The following BACE2 variants were observed in gnomAD, a reference collection of about 807,000 sequenced individuals.
BACE2 encodes beta-secretase 2, also known as 56 kDa aspartic-like protease.
Under a neutral mutation model 46.2 loss-of-function variants are expected in BACE2, and 17 were observed. That is an observed-to-expected ratio of 0.37 (90% CI 0.25 to 0.55). The LOEUF (loss-of-function observed/expected upper bound fraction) is 0.55. Ranked by LOEUF, BACE2 falls within the 20% of genes least tolerant of loss-of-function variation. BACE2 has a pLI of 0.82. For missense variants in BACE2, 595 were observed against 698.1 expected, an observed-to-expected ratio of 0.85 and a Z score of 1.66; for synonymous variants, 277 against 295.9, an observed-to-expected ratio of 0.94 and a Z score of 0.66.
intron 1 of BACE2, chr21:41,177,037 TAC>T (rs1050285714): frequency 1.3e-5 from 2 of 152,252 alleles, no homozygotes; most frequent in African/African-American, 4.8e-5. Context: ...TAGAAGTTGT[TAC>T]AAATGGTTCC....
chr21:41,226,141 CT>C (rs57826923), intron 1 of BACE2, 124 bp from the exon 2 acceptor site: 89,613 of 698,940 alleles, frequency 0.13, 6,119 homozygotes, highest in African/African-American at 0.21. Flanking sequence ...CGTCAGTATA[CT>C]TTTTTTTTGT....
chr21:41,197,389 C>A (rs1406088489), intron 1 of BACE2, among the ~76,000 whole-genome samples: 1 of 151,290 alleles, frequency 6.6e-6, no homozygotes, highest in Non-Finnish European at 1.5e-5. Context: ...AAGTGACTGG[C>A]AGTGGTATGG....
At chr21:41,267,377 AC>A (rs780056391) in intron 8 of BACE2, among the ~76,000 whole-genome samples, 2 of 152,218 alleles carry the variant, frequency 1.3e-5, no homozygotes, top group African/African-American at 2.4e-5. Flanking sequence ...TCCTACGGCT[AC>A]GAAAATAATA....
chr21:41,188,744 A>G (rs1985464845), intron 1 of BACE2, among the ~76,000 whole-genome samples: 1 of 152,242 alleles, frequency 6.6e-6, no homozygotes. Flanking sequence ...CCTTCCAGGA[A>G]CTGGGGTCAA....
chr21:41,254,367 C>G (rs987779749), intron 7 of BACE2, among the ~76,000 whole-genome samples: 1 of 152,108 alleles, frequency 6.6e-6, no homozygotes, highest in Non-Finnish European at 1.5e-5. Context: ...CTTTTCTGCT[C>G]CCTCCAAAAT....
In BACE2 at chr21:41,279,609, A is replaced by C. The variant is rs1374777618; in HGVS notation, c.*3985A>C. 1 of 152,228 alleles carries C rather than the reference A, an allele frequency of 6.6e-6. No homozygotes were observed. The highest frequency in any genetic ancestry group is 1.5e-5 in the Non-Finnish European group (1 of 68,062). 9.4% of individuals were successfully genotyped at this position (152,228 alleles called of 1,614,324 possible). A position where few individuals can be genotyped will look rare whatever the true frequency, so the allele number is the denominator to read the frequency against. On this transcript the variant is annotated 3_prime_UTR_variant, in exon 9 of 9. Transcript: ENST00000330333. ...AAGACTCCGTCTCAAAAAAGGAAAG[A>C]AAATGCAGTTTCATTCCAGCCATCC... is the stretch of plus-strand genomic sequence containing the variant.
At chr21:41,257,073 G>A in intron 7 of BACE2, 85 bp from the exon 8 acceptor site, 1 of 1,518,098 alleles carries the variant, frequency 6.6e-7, no homozygotes, top group Non-Finnish European at 9.1e-7. Flanking sequence ...AGGGTCCTGA[G>A]CATGCGTGTG....
At chr21:41,207,024 G>C (rs1568867635) in intron 1 of BACE2, among the ~76,000 whole-genome samples, 1 of 152,098 alleles carries the variant, frequency 6.6e-6, no homozygotes. Flanking sequence ...GTTTGGAGTG[G>C]GTCTTCAATT....
intron 2 of BACE2, among the ~76,000 whole-genome samples, chr21:41,226,723 G>T (rs531825503): frequency 7.2e-5 from 11 of 152,316 alleles, no homozygotes; most frequent in African/African-American, 2.6e-4. Flanking sequence ...GAGGTCTTGG[G>T]AGTCTGTGAG....
At chr21:41,262,021 A>G (rs1298537119) in intron 8 of BACE2, among the ~76,000 whole-genome samples, 1 of 152,196 alleles carries the variant, frequency 6.6e-6, no homozygotes, top group African/African-American at 2.4e-5. Context: ...AAGTAAGGAC[A>G]TTCTCCTATA....
At position 41,241,741 on chromosome 21, in the gene BACE2, G is replaced by A. The variant is rs79425989; in HGVS notation, c.619-78G>A. 2.4e-4 allele frequency: 364 copies of A among 1,526,138 alleles called. 3 individuals carry two copies. In the East Asian group the frequency reaches 7.2e-3, roughly 30 times the overall value. The allele number at this position is 1,526,138 out of a possible 1,614,324, so 94.5% of individuals were successfully genotyped here. A position where few individuals can be genotyped will look rare whatever the true frequency, so the allele number is the denominator to read the frequency against. ...TATAAACACCAGGAATGTCTGTGGCGCGTGGCGTCTACACTGGGTGACCCA... is the reference window on the plus strand; with the variant it reads ...TATAAACACCAGGAATGTCTGTGGCACGTGGCGTCTACACTGGGTGACCCA... On this transcript the variant is annotated intron_variant, in intron 3 of 8. Transcript: ENST00000330333.
At chr21:41,176,647 T>C (rs1984855059) in intron 1 of BACE2, 1 of 151,984 alleles carries the variant, frequency 6.6e-6, no homozygotes, top group African/African-American at 2.4e-5. Flanking sequence ...ATCTAGAAAA[T>C]CTCCACCTCA....
At chr21:41,209,924 A>T (rs1459378879) in intron 1 of BACE2, among the ~76,000 whole-genome samples, 1 of 152,106 alleles carries the variant, frequency 6.6e-6, no homozygotes, top group Non-Finnish European at 1.5e-5. Flanking sequence ...CCGTTGTAGA[A>T]ATGTGTCCTT....
chr21:41,238,838 G>T (rs1268561536), intron 3 of BACE2, among the ~76,000 whole-genome samples: 1 of 147,382 alleles, frequency 6.8e-6, no homozygotes, highest in Non-Finnish European at 1.5e-5. Flanking sequence ...AGCCTTGGGA[G>T]ATATACCTAA....
chr21:41,246,092 C>G (rs370975038), intron 6 of BACE2, 29 bp downstream of exon 6: 4 of 1,549,460 alleles, frequency 2.6e-6, no homozygotes, highest in Non-Finnish European at 3.5e-6. Flanking sequence ...CACGGGTCCC[C>G]GAGTTGCTGA....
chr21:41,225,552 A>C (rs946979732), intron 1 of BACE2: 1 of 152,254 alleles, frequency 6.6e-6, no homozygotes, highest in Non-Finnish European at 1.5e-5. Context: ...AGAATGTTCA[A>C]GAACTGATGA....
chr21:41,224,172 T>A (rs1184068583), intron 1 of BACE2, among the ~76,000 whole-genome samples: 1 of 151,500 alleles, frequency 6.6e-6, no homozygotes, highest in Non-Finnish European at 1.5e-5. Context: ...TTATAATTGT[T>A]GGTAAGATAA....
At position 41,174,138 on chromosome 21, in the gene BACE2, C is replaced by CTTTTTTTTTTTTTTTTTTTTTTTT. The variant is rs1568853912; in HGVS notation, c.312+5563_312+5564insTTTTTTTTTTTTTTTTTTTTTTTT. On this transcript the variant is annotated intron_variant, in intron 1 of 8. Coordinates refer to ENST00000330333, the MANE Select transcript of BACE2 (RefSeq NM_012105.5). ...TAAGGATAGCTGTTGTGATCAGTGG[C>CTTTTTTTTTTTTTTTTTTTTTTTT]CTTTTTTTTTTTTTTTTTTTTTTTT... is the stretch of plus-strand genomic sequence containing the variant. 1.7e-4 allele frequency among the ~76,000 whole-genome samples: 12 copies of CTTTTTTTTTTTTTTTTTTTTTTTT among 70,644 alleles called. 1 individual carries two copies. Among genetic ancestry groups the CTTTTTTTTTTTTTTTTTTTTTTTT allele is most frequent in the Admixed American group, 4.8e-4 (3 of 6,282 alleles). The allele number at this position is 70,644 out of a possible 152,430, so 46.3% of individuals were successfully genotyped here.
At chr21:41,266,946 TTGTGTGTGTG>T (rs10527457) in intron 8 of BACE2, among the ~76,000 whole-genome samples, 54 of 148,382 alleles carry the variant, frequency 3.6e-4, no homozygotes, top group South Asian at 2.8e-3. Context: ...CTCACAGTGT[TTGTGTGTGTG>T]TGTGTGTGTG....
Sources: gnomAD v4.1 joint callset for allele counts (sites outside exome capture counted in the v4.1 genomes callset) on GRCh38, gnomAD v4.1.1 for gene constraint, MANE v1.5 for transcripts, NCBI Gene and HGNC (gene_info 2026-07-23, HGNC 2026-07-21) for gene names.